The following MACROD2 variants were observed in gnomAD, a reference collection of about 807,000 sequenced individuals.
MACROD2 encodes ADP-ribose glycohydrolase MACROD2.
MACROD2 carries 36 observed loss-of-function variants against 70.4 expected under a neutral mutation model. That is an observed-to-expected ratio of 0.51 (90% CI 0.39 to 0.68). MACROD2 has a LOEUF of 0.68. Ranked by LOEUF, MACROD2 falls within the 30% of genes least tolerant of loss-of-function variation. The pLI is 0.00. For missense variants in MACROD2, 496 were observed against 538.4 expected, an observed-to-expected ratio of 0.92 and a Z score of 0.78; for synonymous variants, 172 against 178.8, an observed-to-expected ratio of 0.96 and a Z score of 0.30.
intron 8 of MACROD2, among the ~76,000 whole-genome samples, chr20:15,839,694 A>G (rs2064150767): frequency 6.6e-6 from 1 of 152,176 alleles, no homozygotes; most frequent in African/African-American, 2.4e-5. Context: ...TAAGAAGTAT[A>G]ATGAAAATCC....
intron 13 of MACROD2, among the ~76,000 whole-genome samples, chr20:15,967,999 G>A (rs570195196): frequency 6.6e-6 from 1 of 152,034 alleles, no homozygotes; most frequent in African/African-American, 2.4e-5. Flanking sequence ...CATAGTCTTG[G>A]GATATCAAGA....
chr20:15,195,958 T>C (rs188472634), intron 5 of MACROD2, among the ~76,000 whole-genome samples: 2 of 152,328 alleles, frequency 1.3e-5, no homozygotes, highest in East Asian at 3.9e-4. Flanking sequence ...GAAACTGTTA[T>C]CTTCAACAAA....
At chr20:15,038,023 A>C (rs966697822) in intron 5 of MACROD2, among the ~76,000 whole-genome samples, 2 of 152,204 alleles carry the variant, frequency 1.3e-5, no homozygotes, top group African/African-American at 2.4e-5. Context: ...CACTGTATAC[A>C]TGTATCAGAA....
intron 2 of MACROD2, among the ~76,000 whole-genome samples, chr20:14,045,672 C>T (rs368013677): frequency 6.6e-6 from 1 of 152,146 alleles, no homozygotes; most frequent in East Asian, 1.9e-4. Flanking sequence ...GCAGGAAAGA[C>T]AAATAGCAGA....
At chr20:15,154,380 T>C (rs2076292312) in intron 5 of MACROD2, among the ~76,000 whole-genome samples, 1 of 152,138 alleles carries the variant, frequency 6.6e-6, no homozygotes, top group African/African-American at 2.4e-5. Flanking sequence ...GGCAGAAAGG[T>C]CTGGCTTATC....
At chr20:14,939,307 A>T (rs2074370584) in intron 5 of MACROD2, among the ~76,000 whole-genome samples, 1 of 151,790 alleles carries the variant, frequency 6.6e-6, no homozygotes, top group South Asian at 2.1e-4. Context: ...ATTTTTCTAC[A>T]AATGGTTACC....
intron 8 of MACROD2, among the ~76,000 whole-genome samples, chr20:15,838,838 T>C (rs995608606): frequency 1.3e-5 from 2 of 152,034 alleles, no homozygotes; most frequent in Non-Finnish European, 2.9e-5. Flanking sequence ...TGTAGTCTGG[T>C]TTCATTTGAT....
chr20:15,860,243 A>G (rs991357326), intron 8 of MACROD2, among the ~76,000 whole-genome samples: 1 of 143,594 alleles, frequency 7.0e-6, no homozygotes, highest in Admixed American at 6.9e-5. Context: ...ATTTATACAC[A>G]CTCACACAAG....
intron 5 of MACROD2, among the ~76,000 whole-genome samples, chr20:14,960,288 C>A (rs1437464213): frequency 6.6e-6 from 1 of 152,168 alleles, no homozygotes; most frequent in Non-Finnish European, 1.5e-5. Flanking sequence ...ATCATCGGAG[C>A]TACCACTCCC....
At chr20:14,677,168 T>C (rs1388731791) in intron 4 of MACROD2, among the ~76,000 whole-genome samples, 1 of 152,164 alleles carries the variant, frequency 6.6e-6, no homozygotes, top group East Asian at 1.9e-4. Context: ...AGAGGCAGAT[T>C]GGACTCTCTG....
At chr20:14,606,805 T>C (rs1982836476) in intron 4 of MACROD2, among the ~76,000 whole-genome samples, 1 of 152,202 alleles carries the variant, frequency 6.6e-6, no homozygotes, top group African/African-American at 2.4e-5. Context: ...TTTTCATTAT[T>C]TGTTAGAGTG....
At chr20:15,242,468 A>G (rs1601288787) in intron 6 of MACROD2, among the ~76,000 whole-genome samples, 2 of 152,186 alleles carry the variant, frequency 1.3e-5, no homozygotes, top group Non-Finnish European at 2.9e-5. Flanking sequence ...TTCTGCATCT[A>G]TATTCATAAG....
intron 5 of MACROD2, among the ~76,000 whole-genome samples, chr20:14,766,170 A>T (rs2072086185): frequency 6.6e-6 from 1 of 152,056 alleles, no homozygotes; most frequent in African/African-American, 2.4e-5. Context: ...TGTAGTCATT[A>T]TAGGTTTATT....
chr20:15,504,911 C>A (rs2047406872), intron 8 of MACROD2, among the ~76,000 whole-genome samples: 1 of 152,178 alleles, frequency 6.6e-6, no homozygotes, highest in South Asian at 2.1e-4. Flanking sequence ...CAATTTCATG[C>A]ATTCCTTATT....
intron 3 of MACROD2, among the ~76,000 whole-genome samples, chr20:14,430,665 A>C (rs942399967): frequency 2.6e-5 from 4 of 152,144 alleles, no homozygotes; most frequent in African/African-American, 9.7e-5. Flanking sequence ...TTTCTTTTTC[A>C]GTATGAGAAT....
At chr20:14,969,678 C>T (rs2074672793) in intron 5 of MACROD2, among the ~76,000 whole-genome samples, 1 of 146,706 alleles carries the variant, frequency 6.8e-6, no homozygotes, top group Non-Finnish European at 1.5e-5. Flanking sequence ...AAGGACTTGG[C>T]CTGGTAAAAG....
At chr20:15,675,498 T>C (rs7362631) in intron 8 of MACROD2, among the ~76,000 whole-genome samples, 29,029 of 152,190 alleles carry the variant, frequency 0.19, 3,586 homozygotes, top group Non-Finnish European at 0.27. Context: ...AGTTCTTCAA[T>C]GCATTTGCTT....
chr20:15,812,117 G>T (rs775336534), intron 8 of MACROD2, among the ~76,000 whole-genome samples: 7 of 152,200 alleles, frequency 4.6e-5, no homozygotes, highest in Non-Finnish European at 8.8e-5. Context: ...GCTTACTCCA[G>T]CTCAGTGTTT....
At chr20:15,570,605 C>T (rs2048364899) in intron 8 of MACROD2, among the ~76,000 whole-genome samples, 1 of 152,208 alleles carries the variant, frequency 6.6e-6, no homozygotes, top group Admixed American at 6.5e-5. Flanking sequence ...TGCATTGGCA[C>T]TCACACTTTT....
Sources: allele counts gnomAD v4.1 joint callset (sites outside exome capture counted in the v4.1 genomes callset), GRCh38; gene constraint gnomAD v4.1.1; transcripts MANE v1.5; gene names NCBI Gene and HGNC (gene_info 2026-07-23, HGNC 2026-07-21).